Variants in CACNA1C observed in about 807,000 individuals in gnomAD.
CACNA1C encodes voltage-dependent L-type calcium channel subunit alpha-1C.
A neutral mutation model predicts 229.0 loss-of-function variants in CACNA1C; 30 were observed. The ratio of observed to expected loss-of-function variants is 0.13; its 90% CI spans 0.10 to 0.18. CACNA1C has a LOEUF of 0.18. Among genes scored for constraint, CACNA1C ranks in the 10% least tolerant of loss-of-function variants. The pLI, the probability that CACNA1C is intolerant of heterozygous loss-of-function variation, is 1.00. For missense variants in CACNA1C, 1,658 were observed against 2,845.0 expected (o/e 0.58, Z 9.49); for synonymous variants, 1,114 against 1,132.5 (o/e 0.98, Z 0.33).
intron 5 of CACNA1C, among the ~76,000 whole-genome samples, chr12:2,465,053 G>A (rs2099541556): frequency 6.6e-6 from 1 of 152,156 alleles, no homozygotes; most frequent in Non-Finnish European, 1.5e-5. Flanking sequence ...ATGTAAAATG[G>A]GAATTGTAAT....
In CACNA1C at chr12:2,632,483, C is replaced by T. The variant is rs2090945415; in HGVS notation, c.3829-1814C>T. On this transcript the variant is annotated intron_variant, in intron 29 of 46. Coordinates refer to ENST00000399655, the MANE Select transcript of CACNA1C (RefSeq NM_000719.7). This position sits in a 1 kb window ranked among gnomAD's most constrained non-coding sequence, Gnocchi z 4.1. ...CTGGGGTCCTATAGGGCCTCTGGGACAGCCCATTCCTTGGTTGACCTGTTG... is the reference window on the plus strand; with the variant it reads ...CTGGGGTCCTATAGGGCCTCTGGGATAGCCCATTCCTTGGTTGACCTGTTG... Among the ~76,000 whole-genome samples, 2 of 152,208 alleles carry T rather than the reference C, an allele frequency of 1.3e-5. No homozygotes were observed. Among genetic ancestry groups the T allele is most frequent in the Non-Finnish European group, 2.9e-5 (2 of 68,030 alleles).
chr12:2,282,437 C>G (rs2091571464), intron 3 of CACNA1C, among the ~76,000 whole-genome samples: 1 of 152,184 alleles, frequency 6.6e-6, no homozygotes, highest in South Asian at 2.1e-4. Flanking sequence ...GAGCCTCTCA[C>G]AGGAGTGAGA....
intron 13 of CACNA1C, among the ~76,000 whole-genome samples, chr12:2,574,556 G>C (rs1568516600): frequency 6.6e-6 from 1 of 152,190 alleles, no homozygotes; most frequent in South Asian, 2.1e-4. Flanking sequence ...AGCTGGGGCT[G>C]ATTCAGCACA....
intron 3 of CACNA1C, among the ~76,000 whole-genome samples, chr12:2,150,436 A>T (rs567569354): frequency 1.3e-5 from 2 of 152,144 alleles, no homozygotes; most frequent in African/African-American, 4.8e-5. Flanking sequence ...GATAAGCTTC[A>T]TGCACCCAGA....
intron 3 of CACNA1C, among the ~76,000 whole-genome samples, chr12:2,299,679 TCC>T (rs1485397052): frequency 1.3e-5 from 2 of 152,146 alleles, no homozygotes; most frequent in Non-Finnish European, 2.9e-5. Flanking sequence ...TAGTGAAGCT[TCC>T]CAGAAGATGC....
Position 2,410,233 on chromosome 12 carries a change from C to T in CACNA1C, c.478-38743C>T, listed in dbSNP as rs1231498305. ...GGCCAGTCGTGATGCCTATGGCGACCGCAGAATCGACCTCAACGAGCTCGT... is the reference window on the plus strand; with the variant it reads ...GGCCAGTCGTGATGCCTATGGCGACTGCAGAATCGACCTCAACGAGCTCGT... On this transcript the variant is annotated intron_variant, in intron 3 of 46. Coordinates refer to ENST00000399655, the MANE Select transcript of CACNA1C (RefSeq NM_000719.7). This position sits in a 1 kb window ranked among gnomAD's most constrained non-coding sequence, Gnocchi z 5.3. Among the ~76,000 whole-genome samples the T allele has an allele frequency of 3.3e-5, 5 of 152,150 alleles. No homozygotes were observed. The highest frequency in any genetic ancestry group is 2.1e-4 in the South Asian group (1 of 4,820).
rs1316502905 is a variant in CACNA1C, at chr12:2,275,397, T to C, written c.477+154967T>C. On this transcript the variant is annotated intron_variant, in intron 3 of 46. Coordinates refer to ENST00000399655, the MANE Select transcript of CACNA1C (RefSeq NM_000719.7). This position sits in a 1 kb window ranked among gnomAD's most constrained non-coding sequence, Gnocchi z 4.1. The stretch of plus-strand genomic sequence containing the variant: ...TGCTGGCTGTGTCTTCCCGGAAGGC[T>C]CGTGCCCGCACAGATTGTCTGGTGA... 4.6e-5 allele frequency among the ~76,000 whole-genome samples: 7 copies of C among 152,070 alleles called. No homozygotes were observed. Among genetic ancestry groups the C allele is most frequent in the African/African-American group, 1.7e-4 (7 of 41,384 alleles).
intron 3 of CACNA1C, among the ~76,000 whole-genome samples, chr12:2,224,505 G>A (rs1108075): frequency 0.36 from 55,285 of 152,056 alleles, 10,749 homozygotes; most frequent in African/African-American, 0.48. Context: ...CCCCTGTTCT[G>A]CTCCACCCCT....
At chr12:2,568,352 G>A in intron 13 of CACNA1C, among the ~76,000 whole-genome samples, 1 of 152,178 alleles carries the variant, frequency 6.6e-6, no homozygotes, top group East Asian at 1.9e-4. Flanking sequence ...TGGAACCCTT[G>A]TGCACTATGG....
chr12:2,142,982 T>G (rs942106553), intron 3 of CACNA1C, among the ~76,000 whole-genome samples: 20 of 151,056 alleles, frequency 1.3e-4, no homozygotes, highest in Non-Finnish European at 5.9e-5. Context: ...TAAATTTTTT[T>G]TTTTGTTTTT....
intron 29 of CACNA1C, among the ~76,000 whole-genome samples, chr12:2,627,923 G>A (rs750608767): frequency 3.3e-5 from 5 of 152,196 alleles, no homozygotes; most frequent in Non-Finnish European, 4.4e-5. Flanking sequence ...CCACAGGGCC[G>A]GGGAACTCAG....
At chr12:2,271,331 G>C (rs2084904649) in intron 3 of CACNA1C, among the ~76,000 whole-genome samples, 1 of 152,202 alleles carries the variant, frequency 6.6e-6, no homozygotes, top group Admixed American at 6.5e-5. Flanking sequence ...TTTCCCTTTT[G>C]AGAAGTGGAG....
rs538064608 is a variant in CACNA1C, at chr12:2,678,746, C to T, written c.5092-698C>T. Among the ~76,000 whole-genome samples, 4 of 152,304 alleles carry T rather than the reference C, an allele frequency of 2.6e-5. No homozygotes were observed. Among genetic ancestry groups the T allele is most frequent in the Non-Finnish European group, 4.4e-5 (3 of 68,018 alleles). On this transcript the variant is annotated intron_variant, in intron 41 of 46. Coordinates refer to ENST00000399655, the MANE Select transcript of CACNA1C (RefSeq NM_000719.7). The surrounding 1 kb of genome is among the most constrained non-coding windows in gnomAD (Gnocchi z 4.1). ...GACATGGCATGGTGGTGACACAACC[C>T]GACAAGACACCAGAAACCAAAGCCT...
At chr12:2,274,258 G>A (rs1286019661) in intron 3 of CACNA1C, among the ~76,000 whole-genome samples, 3 of 152,166 alleles carry the variant, frequency 2.0e-5, no homozygotes, top group Non-Finnish European at 4.4e-5. Flanking sequence ...GAGCACTCCC[G>A]AGTCGTTCTC....
chr12:2,206,683 C>G (rs538554955), intron 3 of CACNA1C, among the ~76,000 whole-genome samples: 1 of 152,204 alleles, frequency 6.6e-6, no homozygotes, highest in African/African-American at 2.4e-5. Flanking sequence ...TTCTCTTGCT[C>G]TCCAATCTAG....
chr12:1,979,161 C>T (rs921298107), intron 1 of CACNA1C, among the ~76,000 whole-genome samples: 4 of 152,134 alleles, frequency 2.6e-5, no homozygotes, highest in Non-Finnish European at 4.4e-5. Context: ...TACACGTGCC[C>T]GCCATCGAGC....
intron 1 of CACNA1C, among the ~76,000 whole-genome samples, chr12:2,046,110 A>G (rs1233264741): frequency 6.6e-6 from 1 of 152,162 alleles, no homozygotes; most frequent in Admixed American, 6.5e-5. Context: ...TGGATTTTCA[A>G]CTTCTGGCCT....
chr12:2,373,702 G>A (rs1225277537), intron 3 of CACNA1C, among the ~76,000 whole-genome samples: 1 of 152,160 alleles, frequency 6.6e-6, no homozygotes, highest in Non-Finnish European at 1.5e-5. Context: ...AATTATATTC[G>A]TATTTATGAG....
chr12:2,429,061 G>A (rs556942280), intron 3 of CACNA1C, among the ~76,000 whole-genome samples: 5 of 151,958 alleles, frequency 3.3e-5, no homozygotes, highest in Admixed American at 6.6e-5. Context: ...CTTTCTTTTC[G>A]CTTTTGGTGT....
Sources: allele counts gnomAD v4.1 joint callset (sites outside exome capture counted in the v4.1 genomes callset), GRCh38; gene constraint gnomAD v4.1.1; non-coding constraint Gnocchi (gnomAD v3.1); transcripts MANE v1.5; gene names NCBI Gene and HGNC (gene_info 2026-07-23, HGNC 2026-07-21).